The following NBAS variants were observed in gnomAD, a reference collection of about 807,000 sequenced individuals.
NBAS encodes NAG/BC035112 fusion.
A neutral mutation model predicts 302.5 loss-of-function variants in NBAS; 219 were observed. The observed-to-expected ratio is 0.72, with a 90% CI of 0.65 to 0.81. The LOEUF is 0.81. NBAS is among the 30% of genes least tolerant of loss of function. The pLI, the probability that NBAS is intolerant of heterozygous loss-of-function variation, is 0.00. For synonymous variants in NBAS, 1,118 were observed against 1,021.6 expected (o/e 1.09, Z -1.80); for missense variants, 2,932 against 2,841.6 (o/e 1.03, Z -0.72).
intron 28 of NBAS, among the ~76,000 whole-genome samples, chr2:15,389,225 T>G (rs892208946): frequency 2.0e-5 from 3 of 152,210 alleles, no homozygotes; most frequent in African/African-American, 7.2e-5. Context: ...TACTGAGCCC[T>G]AGTCCACAGT....
chr2:14,779,134 C>T, the NBAS span, among the ~76,000 whole-genome samples: 3 of 152,136 alleles, frequency 2.0e-5, no homozygotes, highest in African/African-American at 7.2e-5. Context: ...CAGCAGAACA[C>T]CAATATCCAG....
intron 38 of NBAS, among the ~76,000 whole-genome samples, chr2:15,327,543 C>T (rs552761125): frequency 5.9e-5 from 9 of 152,234 alleles, no homozygotes; most frequent in South Asian, 2.1e-4. Flanking sequence ...CCTCAATTTA[C>T]GTACAAATCC....
chr2:14,961,606 C>T, the NBAS span, among the ~76,000 whole-genome samples: 1 of 152,106 alleles, frequency 6.6e-6, no homozygotes, highest in Non-Finnish European at 1.5e-5. Flanking sequence ...TATCAATTAG[C>T]CTCATGTCTT....
the NBAS span, among the ~76,000 whole-genome samples, chr2:14,906,435 T>C: frequency 6.6e-6 from 1 of 152,236 alleles, no homozygotes; most frequent in Non-Finnish European, 1.5e-5. Context: ...CTCTTTCTAA[T>C]TGAATGCACT....
chr2:15,448,903 A>T (rs999643195), intron 21 of NBAS, among the ~76,000 whole-genome samples: 2 of 152,216 alleles, frequency 1.3e-5, no homozygotes, highest in African/African-American at 4.8e-5. Context: ...TGTAGGACCA[A>T]AAAGAATTAT....
intron 40 of NBAS, among the ~76,000 whole-genome samples, chr2:15,300,468 T>C (rs1489999351): frequency 6.6e-6 from 1 of 152,174 alleles, no homozygotes; most frequent in Non-Finnish European, 1.5e-5. Context: ...AGGCAGTCAA[T>C]GAAAAACTCC....
chr2:14,875,474 G>A, the NBAS span, among the ~76,000 whole-genome samples: 1 of 152,072 alleles, frequency 6.6e-6, no homozygotes, highest in Non-Finnish European at 1.5e-5. Flanking sequence ...AAATTAGCTT[G>A]GCATAGTGGT....
chr2:14,846,450 A>T, the NBAS span, among the ~76,000 whole-genome samples: 1 of 151,972 alleles, frequency 6.6e-6, no homozygotes. Flanking sequence ...GAAAAAAAAA[A>T]AAAAGGATGT....
chr2:15,307,683 G>A (rs976928625), intron 40 of NBAS, among the ~76,000 whole-genome samples: 6 of 152,150 alleles, frequency 3.9e-5, no homozygotes, highest in Non-Finnish European at 8.8e-5. Context: ...TTGAGGCCAT[G>A]TTTACCTGCT....
At chr2:15,022,042 G>T in the NBAS span, among the ~76,000 whole-genome samples, 5 of 152,258 alleles carry the variant, frequency 3.3e-5, no homozygotes, top group East Asian at 9.7e-4. Context: ...TGGAGTGAGA[G>T]AAGCAAGCCT....
At chr2:15,094,816 G>A in the NBAS span, among the ~76,000 whole-genome samples, 1,757 of 152,294 alleles carry the variant, frequency 0.012, 36 homozygotes, top group African/African-American at 0.04. Context: ...GCAGGAAGCC[G>A]ACGGGGTCTC....
the NBAS span, among the ~76,000 whole-genome samples, chr2:15,109,383 C>T: frequency 4.6e-5 from 7 of 152,256 alleles, no homozygotes; most frequent in African/African-American, 1.7e-4. Flanking sequence ...CTTGGCTTTG[C>T]CACAAGTAAC....
chr2:15,461,899 C>T lies in NBAS; in HGVS notation c.2098-108G>A, dbSNP rs1679522522. 4.4e-6 allele frequency: 3 copies of T among 676,640 alleles called. No homozygotes were observed. The South Asian group carries it at 5.2e-5, about 12-fold the overall frequency. 41.9% of individuals were successfully genotyped at this position (676,640 alleles called of 1,614,324 possible). A position where few individuals can be genotyped will look rare whatever the true frequency, so the allele number is the denominator to read the frequency against. ...CTCTGCCTGCCTAAATAAATAAGGC[C>T]TGAATTAATTAATTTCAACCATCAA... On this transcript the variant is annotated intron_variant, in intron 19 of 51. Coordinates refer to ENST00000281513, the MANE Select transcript of NBAS (RefSeq NM_015909.4).
chr2:15,451,942 T>C (rs912585340), intron 21 of NBAS, among the ~76,000 whole-genome samples: 5 of 151,994 alleles, frequency 3.3e-5, no homozygotes, highest in Non-Finnish European at 7.4e-5. Flanking sequence ...CTAAAGCTTA[T>C]TTAATCTTAA....
chr2:15,142,142 G>A, the NBAS span, among the ~76,000 whole-genome samples: 1 of 152,160 alleles, frequency 6.6e-6, no homozygotes, highest in African/African-American at 2.4e-5. Flanking sequence ...AAAATGCCAG[G>A]AGGAGTGCAT....
intron 32 of NBAS, among the ~76,000 whole-genome samples, chr2:15,366,075 T>C (rs1251587277): frequency 6.6e-6 from 1 of 152,134 alleles, no homozygotes; most frequent in Non-Finnish European, 1.5e-5. Flanking sequence ...TATGAGATGA[T>C]TAAATGAGAT....
At chr2:15,187,052 C>T (rs1665123253) in intron 49 of NBAS, among the ~76,000 whole-genome samples, 172 bp from the exon 50 acceptor site, 1 of 152,228 alleles carries the variant, frequency 6.6e-6, no homozygotes, top group East Asian at 1.9e-4. Context: ...GAAAAAGCAG[C>T]TTCCTGTGGT....
intron 12 of NBAS, among the ~76,000 whole-genome samples, chr2:15,483,519 T>C (rs1025367376): frequency 2.6e-5 from 4 of 152,134 alleles, no homozygotes; most frequent in African/African-American, 4.8e-5. Flanking sequence ...ACATAACATA[T>C]GGGAAATGTT....
chr2:15,467,367 T>G lies in NBAS; in HGVS notation c.2059A>C (p.Lys687Gln). The change falls in exon 19 of 52, where the codon AAG (lysine) becomes CAG (glutamine). Residue 687 changes from lysine (K) to glutamine (Q), a missense_variant. By Grantham distance (53) the Lys-to-Gln change is moderately conservative. Coordinates refer to ENST00000281513, the MANE Select transcript of NBAS (RefSeq NM_015909.4). ...EQKELCRCRR[K>Q]LLTYLDRLAT... ...AGTCGATCTAAGTAGGTTAATAACT[T>G]CCGTCTACAACGGCAAAGTTCCTTT... 1 of 1,613,680 alleles carries G rather than the reference T, an allele frequency of 6.2e-7. No individual in the cohort carries two copies. The highest frequency in any genetic ancestry group is 8.5e-7 in the Non-Finnish European group (1 of 1,179,708).
Sources: gnomAD v4.1 joint callset for allele counts (sites outside exome capture counted in the v4.1 genomes callset) on GRCh38, gnomAD v4.1.1 for gene constraint, MANE v1.5 for transcripts, NCBI Gene and HGNC (gene_info 2026-07-23, HGNC 2026-07-21) for gene names.